The following CTAGE1 variants were observed in gnomAD, a reference collection of about 807,000 sequenced individuals.
CTAGE1 encodes the protein cTAGE family member 2.
For missense variants in CTAGE1, 963 were observed against 855.9 expected, an observed-to-expected ratio of 1.13 and a Z score of -1.56; for synonymous variants, 332 against 302.8, an observed-to-expected ratio of 1.10 and a Z score of -1.00.
In CTAGE1 at chr18:22,416,163, C is replaced by T. The variant is rs180907713; in HGVS notation, c.1649G>A (p.Arg550Lys). 2,088 of 1,613,960 alleles carry T rather than the reference C, an allele frequency of 1.3e-3. 18 individuals carry two copies. The South Asian group carries it at 0.015, about 12-fold the overall frequency. ...AGGAGCCCTGTGAGGATCAGTTAAC[C>T]TATCACAGCTTGATTCTCCTCTTTC... ...TKERGESSCD[R>K]LTDPHRAPSD... The change falls in exon 1 of 1, where the codon AGG becomes AAG. Residue 550 changes from arginine (R) to lysine (K), a missense_variant. Coordinates refer to ENST00000391403, the MANE Select transcript of CTAGE1 (RefSeq NM_172241.3).
In CTAGE1 at chr18:22,413,695, T is replaced by C. The variant is rs1177645634; in HGVS notation, c.*1879A>G. 1 of 152,178 alleles carries C rather than the reference T, an allele frequency of 6.6e-6. No individual in the cohort carries two copies. The highest frequency in any genetic ancestry group is 1.5e-5 in the Non-Finnish European group (1 of 68,042). 9.4% of individuals were successfully genotyped at this position (152,178 alleles called of 1,614,324 possible). The stretch of plus-strand genomic sequence containing the variant: ...TTAGTAGTCATTCAACAAAAGCAAA[T>C]ATTATTTTTCTTAGTTACAAACAAG... On this transcript the variant is annotated 3_prime_UTR_variant, in exon 1 of 1. Coordinates refer to ENST00000391403, the MANE Select transcript of CTAGE1 (RefSeq NM_172241.3).
Position 22,416,385 on chromosome 18 carries a change from A to G in CTAGE1, c.1427T>C (p.Val476Ala), listed in dbSNP as rs1568126802. The change falls in exon 1 of 1, where the codon GTT (valine) becomes GCT (alanine). Residue 476 changes from valine to alanine, a missense_variant. Physicochemically the swap from Val to Ala is moderately conservative, Grantham distance 64 (BLOSUM62 0). Transcript: ENST00000391403. ...CTGTCTGCCAAATGCTGTATTTGGAACATCAAGTCCATAAGGATCTTTTTC... is the reference window on the plus strand; with the variant it reads ...CTGTCTGCCAAATGCTGTATTTGGAGCATCAAGTCCATAAGGATCTTTTTC... ...LLEKDPYGLD[V>A]PNTAFGRQHS... 3 of 1,613,998 alleles carry G rather than the reference A, an allele frequency of 1.9e-6. No individual in the cohort carries two copies. The highest frequency in any genetic ancestry group is 2.5e-6 in the Non-Finnish European group (3 of 1,179,888).
At position 22,416,273 on chromosome 18, in the gene CTAGE1, AG is replaced by A; in HGVS notation, c.1538del (p.Pro513LeufsTer39). The part of the protein sequence containing the change: ...SLYPPTLLEG[P>X]LRLSPLLPRG... ...GTGGAAGCAAAGGTGAGAGTCTGAG[AG>A]GACCTTCCAACAAAGTTGGAGGATA... On this transcript the variant is annotated frameshift_variant, in exon 1 of 1. Transcript: ENST00000391403. LOFTEE classifies it low-confidence loss of function (END_TRUNC). 1 of 1,613,926 alleles carries A rather than the reference AG, an allele frequency of 6.2e-7. No individual in the cohort carries two copies. Among genetic ancestry groups the A allele is most frequent in the South Asian group, 1.1e-5 (1 of 91,072 alleles).
Position 22,416,047 on chromosome 18 carries a change from G to A in CTAGE1, c.1765C>T (p.Pro589Ser), listed in dbSNP as rs1454680319. The A allele has an allele frequency of 8.1e-6, 13 of 1,613,962 alleles. No individual in the cohort carries two copies. In the South Asian group the frequency reaches 1.4e-4, roughly 18 times the overall value. The change falls in exon 1 of 1, where the codon CCT becomes TCT. Residue 589 changes from proline to serine, a missense_variant. Coordinates refer to ENST00000391403, the MANE Select transcript of CTAGE1 (RefSeq NM_172241.3). ...TAAAATCTGTCTTGCCTTTGTGGAG[G>A]GAGAGCTGAATCAGGATATGATTGT... is the stretch of plus-strand genomic sequence containing the variant. ...PGQSYPDSAL[P>S]PQRQDRFYSN...
rs1368794148 is a variant in CTAGE1 at position 22,415,371 on chromosome 18, G to A, written c.*203C>T. The A allele has an allele frequency of 1.9e-6, 1 of 523,298 alleles. No homozygotes were observed. Among genetic ancestry groups the A allele is most frequent in the Non-Finnish European group, 3.4e-6 (1 of 294,022 alleles). 32.4% of individuals were successfully genotyped at this position (523,298 alleles called of 1,614,324 possible). On this transcript the variant is annotated 3_prime_UTR_variant, in exon 1 of 1. Coordinates refer to ENST00000391403, the MANE Select transcript of CTAGE1 (RefSeq NM_172241.3). ...TCCTCATTTACAAAATACTATCCTG[G>A]GAATTATAGTTCCATTAAGTTTCAA...
Position 22,417,509 on chromosome 18 carries a change from G to T in CTAGE1, c.303C>A (p.Cys101Ter). ...ATEAQSLEATCEKLNRFNSEL... is the reference protein window; with the variant it reads ...ATEAQSLEAT ...CAGAATTGAACCTGTTCAGCTTTTC[G>T]CAGGTTGCCTCCAAACTTTGTGCTT... is the stretch of plus-strand genomic sequence containing the variant. Residue 101 changes from cysteine (C) to a stop codon, truncating the protein, a stop_gained, in exon 1 of 1, where the codon TGC becomes TGA. Transcript: ENST00000391403. LOFTEE classifies it low-confidence loss of function (END_TRUNC). 1 of 1,613,872 alleles carries T rather than the reference G, an allele frequency of 6.2e-7. No individual in the cohort carries two copies. Among genetic ancestry groups the T allele is most frequent in the South Asian group, 1.1e-5 (1 of 91,064 alleles).
At position 22,414,783 on chromosome 18, in the gene CTAGE1, G is replaced by C. The variant is rs1341870277; in HGVS notation, c.*791C>G. On this transcript the variant is annotated 3_prime_UTR_variant, in exon 1 of 1. Coordinates refer to ENST00000391403, the MANE Select transcript of CTAGE1 (RefSeq NM_172241.3). ...GGGGCAAGTAAAAGTTCTGGATAAA[G>C]TTGTTCCCACCAAATAAAAATAAAA... 1 of 702,712 alleles carries C rather than the reference G, an allele frequency of 1.4e-6. No individual in the cohort carries two copies. The highest frequency in any genetic ancestry group is 2.6e-6 in the Non-Finnish European group (1 of 384,986). The allele number at this position is 702,712 out of a possible 1,614,324, so 43.5% of individuals were successfully genotyped here. A position where few individuals can be genotyped will look rare whatever the true frequency, so the allele number is the denominator to read the frequency against.
rs1017310581 is a variant in CTAGE1, at chr18:22,415,797, A to C, written c.2015T>G (p.Leu672Trp). The C allele has an allele frequency of 1.2e-6, 2 of 1,613,988 alleles. No individual in the cohort carries two copies. The highest frequency in any genetic ancestry group is 2.7e-5 in the African/African-American group (2 of 75,048). Reference protein sequence around the residue: ...PPPLAPIRGLLFPVDTRGPFI... With the variant: ...PPPLAPIRGLWFPVDTRGPFI... The stretch of plus-strand genomic sequence containing the variant: ...CGGGCCCCTTGTATCTACTGGAAAC[A>C]ATAAACCTCTGATTGGAGCAAGAGG... The change falls in exon 1 of 1, where the codon TTG becomes TGG. Residue 672 changes from leucine to tryptophan, a missense_variant. Transcript: ENST00000391403.
In CTAGE1 at chr18:22,416,753, T is replaced by G; in HGVS notation, c.1059A>C (p.Lys353Asn). 6.2e-7 allele frequency: 1 copy of G among 1,612,694 alleles called. No individual in the cohort carries two copies. The highest frequency in any genetic ancestry group is 8.5e-7 in the Non-Finnish European group (1 of 1,179,674). ...TTTCTTGATATAATTCAGTCATTAC[T>G]TTAAGTTTCTGCTGAAGCTTCTGAT... ...SENQKLQQKL[K>N]VMTELYQENE... Residue 353 changes from lysine to asparagine, a missense_variant, in exon 1 of 1, where the codon AAA (lysine) becomes AAC (asparagine). By Grantham distance (94) the Lys-to-Asn change is moderately conservative. Transcript: ENST00000391403.
rs2035031952 is a variant in CTAGE1 at position 22,417,497 on chromosome 18, G to A, written c.315C>T (p.Asn105=). 1.9e-6 allele frequency: 3 copies of A among 1,613,974 alleles called. No homozygotes were observed. Among genetic ancestry groups the A allele is most frequent in the African/African-American group, 1.3e-5 (1 of 75,030 alleles). Reference sequence around the variant, plus strand: ...CATGCACAAGTTCAGAATTGAACCTGTTCAGCTTTTCGCAGGTTGCCTCCA... The same window carrying A: ...CATGCACAAGTTCAGAATTGAACCTATTCAGCTTTTCGCAGGTTGCCTCCA... The part of the protein sequence containing the change: ...QSLEATCEKL[N]RFNSELVHEI... The change falls in exon 1 of 1, where the codon AAC becomes AAT. Residue 105 remains asparagine (N), a synonymous_variant. Transcript: ENST00000391403.
rs761832970 is a variant in CTAGE1 at position 22,416,553 on chromosome 18, T to C, written c.1259A>G (p.Lys420Arg). 6.2e-7 allele frequency: 1 copy of C among 1,611,168 alleles called. No individual in the cohort carries two copies. The highest frequency in any genetic ancestry group is 8.5e-7 in the Non-Finnish European group (1 of 1,179,468). ...EFEKTIHFYQ[K>R]KIILHEKKAH... ...TTTTTTCTCATGGAGAATAATCTTC[T>C]TTTGATAAAAATGAATAGTTTTCTC... The change falls in exon 1 of 1, where the codon AAG becomes AGG. Residue 420 changes from lysine to arginine, a missense_variant. Coordinates refer to ENST00000391403, the MANE Select transcript of CTAGE1 (RefSeq NM_172241.3).
At position 22,417,559 on chromosome 18, in the gene CTAGE1, C is replaced by A; in HGVS notation, c.253G>T (p.Ala85Ser). Residue 85 changes from alanine (A) to serine (S), a missense_variant, in exon 1 of 1, where the codon GCC becomes TCC. Coordinates refer to ENST00000391403, the MANE Select transcript of CTAGE1 (RefSeq NM_172241.3). ...TCTGTTGCCTCCTTCTCAAAGCTGG[C>A]ATTCTTTAAAGATGACTCTACTTCA... ...GYEVESSLKN[A>S]SFEKEATEAQ... The A allele has an allele frequency of 6.2e-7, 1 of 1,614,012 alleles. No individual in the cohort carries two copies. The highest frequency in any genetic ancestry group is 8.5e-7 in the Non-Finnish European group (1 of 1,179,876).
In CTAGE1 at chr18:22,416,684, G is replaced by A. The variant is rs1490111799; in HGVS notation, c.1128C>T (p.Cys376=). ...AAAGTTTCTCTTCTTTCTCTAACCG[G>A]CATTTTTCCTCTACTATTAATTTCC... is the stretch of plus-strand genomic sequence containing the variant. The part of the protein sequence containing the change: ...LYRKLIVEEK[C]RLEKEEKLSK... The change falls in exon 1 of 1, where the codon TGC becomes TGT. Residue 376 remains cysteine, a synonymous_variant. Transcript: ENST00000391403. 3 of 1,613,708 alleles carry A rather than the reference G, an allele frequency of 1.9e-6. No individual in the cohort carries two copies. The highest frequency in any genetic ancestry group is 1.7e-6 in the Non-Finnish European group (2 of 1,179,886).
Position 22,417,168 on chromosome 18 carries a change from G to A in CTAGE1, c.644C>T (p.Thr215Ile). The A allele has an allele frequency of 6.2e-7, 1 of 1,613,882 alleles. No individual in the cohort carries two copies. Among genetic ancestry groups the A allele is most frequent in the Non-Finnish European group, 8.5e-7 (1 of 1,179,844 alleles). ...TGCATGTACTTTGGAGTCTTCAAATGTTCTTTTCTGTTTAATAAGTTCACT... is the reference window on the plus strand; with the variant it reads ...TGCATGTACTTTGGAGTCTTCAAATATTCTTTTCTGTTTAATAAGTTCACT... ...QVSELIKQKR[T>I]FEDSKVHAEQ... The change falls in exon 1 of 1, where the codon ACA becomes ATA. Residue 215 changes from threonine (T) to isoleucine (I), a missense_variant. Coordinates refer to ENST00000391403, the MANE Select transcript of CTAGE1 (RefSeq NM_172241.3).
At position 22,416,114 on chromosome 18, in the gene CTAGE1, A is replaced by G; in HGVS notation, c.1698T>C (p.Pro566=). The G allele has an allele frequency of 1.2e-6, 2 of 1,613,962 alleles. No homozygotes were observed. Among genetic ancestry groups the G allele is most frequent in the Non-Finnish European group, 1.7e-6 (2 of 1,179,860 alleles). Residue 566 remains proline (P), a synonymous_variant, in exon 1 of 1, where the codon CCT becomes CCC. Transcript: ENST00000391403. ...TCATCCTATAGTCCTGTTCCCACGG[A>G]GGTGCCAGGGGCCCAGCGTCAGAAG... is the stretch of plus-strand genomic sequence containing the variant. The part of the protein sequence containing the change: ...RAPSDAGPLA[P]PWEQDYRMMF...
chr18:22,416,213 A>G lies in CTAGE1; in HGVS notation c.1599T>C (p.Asn533=), dbSNP rs1234704916. The G allele has an allele frequency of 3.1e-6, 5 of 1,613,906 alleles. No homozygotes were observed. Among genetic ancestry groups the G allele is most frequent in the Non-Finnish European group, 3.4e-6 (4 of 1,179,874 alleles). ...CTTTGGTAATCTGATGGTCCGGAGG[A>G]TTCCCTGGGCCTCTGGAGCCTCTTC... ...GGGRGSRGPG[N]PPDHQITKER... is the part of the protein sequence containing the mutation. The change falls in exon 1 of 1, where the codon AAT becomes AAC. Residue 533 remains asparagine (N), a synonymous_variant. Coordinates refer to ENST00000391403, the MANE Select transcript of CTAGE1 (RefSeq NM_172241.3).
rs1044070143 is a variant in CTAGE1, at chr18:22,415,020, C to T, written c.*554G>A. The T allele has an allele frequency of 3.7e-6, 2 of 547,700 alleles. No individual in the cohort carries two copies. The highest frequency in any genetic ancestry group is 2.9e-5 in the East Asian group (1 of 34,286). The allele number at this position is 547,700 out of a possible 1,614,324, so 33.9% of individuals were successfully genotyped here. A position where few individuals can be genotyped will look rare whatever the true frequency, so the allele number is the denominator to read the frequency against. ...TATAAGACAGGAGATCCAAGATCAT[C>T]TTGGTTTAAAGTGAAATATTCTAAC... On this transcript the variant is annotated 3_prime_UTR_variant, in exon 1 of 1. Transcript: ENST00000391403.
rs1218873796 is a variant in CTAGE1, at chr18:22,416,098, A to G, written c.1714T>C (p.Tyr572His). ...CCTGGTGGAGGAAACATCATCCTAT[A>G]GTCCTGTTCCCACGGAGGTGCCAGG... is the stretch of plus-strand genomic sequence containing the variant. The part of the protein sequence containing the change: ...GPLAPPWEQD[Y>H]RMMFPPPGQS... The change falls in exon 1 of 1, where the codon TAT (tyrosine) becomes CAT (histidine). Residue 572 changes from tyrosine to histidine, a missense_variant. Transcript: ENST00000391403. The G allele has an allele frequency of 2.5e-6, 4 of 1,613,968 alleles. No individual in the cohort carries two copies. Among genetic ancestry groups the G allele is most frequent in the Admixed American group, 3.3e-5 (2 of 60,012 alleles).
Position 22,414,732 on chromosome 18 carries a change from C to T in CTAGE1, c.*842G>A. On this transcript the variant is annotated 3_prime_UTR_variant, in exon 1 of 1. Coordinates refer to ENST00000391403, the MANE Select transcript of CTAGE1 (RefSeq NM_172241.3). ...CAGAGGTAAAGGTTGGGAAAGAAGT[C>T]AGGAGAAACTGATCTATATAATTCT... is the stretch of plus-strand genomic sequence containing the variant. 1.4e-6 allele frequency: 1 copy of T among 702,958 alleles called. No individual in the cohort carries two copies. Among genetic ancestry groups the T allele is most frequent in the Non-Finnish European group, 2.6e-6 (1 of 385,016 alleles). The allele number at this position is 702,958 out of a possible 1,614,324, so 43.5% of individuals were successfully genotyped here.
Sources: allele counts gnomAD v4.1 joint callset, GRCh38; gene constraint gnomAD v4.1.1; transcripts MANE v1.5; gene names NCBI Gene and HGNC (gene_info 2026-07-23, HGNC 2026-07-21).